ZNF385C: variants seen among roughly 807,000 people sequenced by gnomAD.
ZNF385C encodes the protein zinc finger protein 385C.
A neutral mutation model predicts 35.4 loss-of-function variants in ZNF385C; 28 were observed. That is an observed-to-expected ratio of 0.79 (90% CI 0.59 to 1.08). The LOEUF (loss-of-function observed/expected upper bound fraction) is 1.08, where lower values mean the gene tolerates loss of function less well. ZNF385C is among the 50% of genes least tolerant of loss of function. The pLI is 0.00. For missense variants in ZNF385C, 605 were observed against 595.6 expected (o/e 1.02, Z -0.16); for synonymous variants, 248 against 248.2 (o/e 1.00, Z 0.01).
intron 2 of ZNF385C, chr17:42,038,761 T>A (rs1274586413): frequency 2.0e-5 from 3 of 152,208 alleles, no homozygotes; most frequent in African/African-American, 7.2e-5. Context: ...ATATACACAG[T>A]TATACACAGA....
At position 42,031,688 on chromosome 17, in the gene ZNF385C, G is replaced by A; in HGVS notation, c.607C>T (p.Gln203Ter). The A allele has an allele frequency of 1.9e-6, 3 of 1,550,686 alleles. No individual in the cohort carries two copies. The highest frequency in any genetic ancestry group is 2.4e-5 in the South Asian group (2 of 84,062). ...KSKQRPHTQA[Q>*]DGAVVSPIPT... ...ATTGGGGACACTACAGCCCCATCCT[G>A]GGCCTGGGTGTGTGGCCTCTGCTTG... is the stretch of plus-strand genomic sequence containing the variant. The change falls in exon 5 of 9, where the codon CAG becomes TAG. Residue 203 changes from glutamine (Q) to a stop codon, truncating the protein, a stop_gained. Coordinates refer to ENST00000692273, the MANE Select transcript of ZNF385C (RefSeq NM_001392013.1). LOFTEE classifies it high-confidence loss of function.
chr17:42,085,360 G>T (rs782020952), intron 1 of ZNF385C, among the ~76,000 whole-genome samples: 2 of 149,292 alleles, frequency 1.3e-5, no homozygotes, highest in Non-Finnish European at 3.0e-5. Flanking sequence ...CCTCCACCTC[G>T]CAGGTTCAAG....
chr17:42,027,940 G>T, intron 7 of ZNF385C, 110 bp downstream of exon 7: 1 of 1,410,126 alleles, frequency 7.1e-7, no homozygotes, highest in Non-Finnish European at 9.8e-7. Flanking sequence ...CGCTTCTCCA[G>T]CCTGCTCTGC....
intron 3 of ZNF385C, among the ~76,000 whole-genome samples, chr17:42,036,401 G>A (rs1281628966): frequency 6.6e-6 from 1 of 151,818 alleles, no homozygotes; most frequent in Non-Finnish European, 1.5e-5. Flanking sequence ...AACTTGTCAA[G>A]AACTTTCCAG....
intron 1 of ZNF385C, among the ~76,000 whole-genome samples, chr17:42,078,454 C>T (rs1035318806): frequency 0.15 from 16 of 110 alleles, no homozygotes; most frequent in African/African-American, 0.38. Flanking sequence ...TCCCAGTATG[C>T]ATGGGGGACT....
chr17:42,063,678 G>A (rs1411606920), intron 1 of ZNF385C, among the ~76,000 whole-genome samples: 2 of 152,234 alleles, frequency 1.3e-5, no homozygotes, highest in Non-Finnish European at 2.9e-5. Flanking sequence ...GCGGACTGGG[G>A]TCTTGGAGGA....
chr17:42,064,279 G>A (rs564721101), intron 1 of ZNF385C, among the ~76,000 whole-genome samples: 5 of 152,182 alleles, frequency 3.3e-5, no homozygotes, highest in Admixed American at 1.3e-4. Context: ...GCCTTCTCTC[G>A]GAAATCTGCG....
chr17:42,063,433 C>T (rs1459567365), intron 1 of ZNF385C, among the ~76,000 whole-genome samples: 2 of 152,162 alleles, frequency 1.3e-5, no homozygotes, highest in African/African-American at 4.8e-5. Context: ...GAGGCTGATG[C>T]AGGAGAATCA....
chr17:42,028,465 C>T lies in ZNF385C; in HGVS notation c.968-219G>A, dbSNP rs528961152. 1.9e-4 allele frequency: 113 copies of T among 589,858 alleles called. 1 individual carries two copies. The highest frequency in any genetic ancestry group is 1.7e-3 in the South Asian group (69 of 41,766). 36.5% of individuals were successfully genotyped at this position (589,858 alleles called of 1,614,324 possible). On this transcript the variant is annotated intron_variant, in intron 6 of 8. Transcript: ENST00000692273. ...TTTCTGCACTACAAATAGCTGCCTT[C>T]CCCTTTGCTTTGATCTCAGTCCTTT... is the stretch of plus-strand genomic sequence containing the variant.
chr17:42,048,720 C>T (rs1376389435), intron 2 of ZNF385C, among the ~76,000 whole-genome samples: 2 of 152,138 alleles, frequency 1.3e-5, no homozygotes, highest in African/African-American at 2.4e-5. Context: ...CCTCCAAAAT[C>T]CACTTCTAAC....
rs1463024266 is a variant in ZNF385C, at chr17:42,072,721, G to T, written c.-2-9663C>A. ...GACGGGAGCAGGTGCCAGGAGCCGCGCCGCCCCCGCCGGCCCAGGACAGCC... is the reference window on the plus strand; with the variant it reads ...GACGGGAGCAGGTGCCAGGAGCCGCTCCGCCCCCGCCGGCCCAGGACAGCC... On this transcript the variant is annotated intron_variant, in intron 1 of 8. Coordinates refer to ENST00000692273, the MANE Select transcript of ZNF385C (RefSeq NM_001392013.1). Among the ~76,000 whole-genome samples the T allele has an allele frequency of 2.0e-5, 3 of 152,006 alleles. No individual in the cohort carries two copies. In the East Asian group the frequency reaches 5.9e-4, roughly 30 times the overall value.
chr17:42,048,388 A>G (rs1409526100), intron 2 of ZNF385C, among the ~76,000 whole-genome samples: 1 of 151,944 alleles, frequency 6.6e-6, no homozygotes, highest in East Asian at 1.9e-4. Flanking sequence ...AAAAAAAAAA[A>G]AAAAAAATTA....
At chr17:42,033,042 G>A (rs1305936059) in intron 4 of ZNF385C, among the ~76,000 whole-genome samples, 2 of 152,142 alleles carry the variant, frequency 1.3e-5, no homozygotes, top group Non-Finnish European at 2.9e-5. Context: ...ATCTCTTGCA[G>A]GACTCATGGA....
chr17:42,034,782 C>T (rs1555655273), intron 3 of ZNF385C, among the ~76,000 whole-genome samples: 1 of 125,424 alleles, frequency 8.0e-6, no homozygotes, highest in Non-Finnish European at 1.6e-5. Flanking sequence ...GAAACTTCGT[C>T]TCAAAAAAAA....
intron 2 of ZNF385C, among the ~76,000 whole-genome samples, chr17:42,049,537 G>C (rs2053241570): frequency 6.6e-6 from 1 of 152,194 alleles, no homozygotes; most frequent in Admixed American, 6.5e-5. Context: ...CAGCCCTTGG[G>C]CACCTTTTAG....
At chr17:42,066,803 T>C (rs1427188014) in intron 1 of ZNF385C, among the ~76,000 whole-genome samples, 1 of 152,154 alleles carries the variant, frequency 6.6e-6, no homozygotes, top group Non-Finnish European at 1.5e-5. Context: ...GCGCAGTGGC[T>C]CACGCCTGTA....
At chr17:42,030,179 T>A (rs2052695632) in intron 5 of ZNF385C, among the ~76,000 whole-genome samples, 1 of 151,676 alleles carries the variant, frequency 6.6e-6, no homozygotes, top group Admixed American at 6.6e-5. Context: ...TGATGAATGT[T>A]TGTGAGAGAT....
chr17:42,071,567 G>A (rs2053624229), intron 1 of ZNF385C, among the ~76,000 whole-genome samples: 1 of 152,130 alleles, frequency 6.6e-6, no homozygotes, highest in South Asian at 2.1e-4. Context: ...CTCCTTGCAG[G>A]GTCCATAGTG....
At position 42,028,812 on chromosome 17, in the gene ZNF385C, G is replaced by C; in HGVS notation, c.938C>G (p.Ser313Trp). The change falls in exon 6 of 9, where the codon TCG (serine) becomes TGG (tryptophan). Residue 313 changes from serine to tryptophan, a missense_variant. By Grantham distance (177) the Ser-to-Trp change is radical. Transcript: ENST00000692273. ...YCPTCKVTVN[S>W]ASQLQAHNTG... ...GTTGTGAGCCTGAAGCTGGGAGGCC[G>C]AGTTCACTGTCACCTTACACGTGGG... 1 of 1,550,334 alleles carries C rather than the reference G, an allele frequency of 6.5e-7. No homozygotes were observed. The highest frequency in any genetic ancestry group is 8.7e-7 in the Non-Finnish European group (1 of 1,146,754).
Sources: allele counts gnomAD v4.1 joint callset (sites outside exome capture counted in the v4.1 genomes callset), GRCh38; gene constraint gnomAD v4.1.1; transcripts MANE v1.5; gene names NCBI Gene and HGNC (gene_info 2026-07-23, HGNC 2026-07-21).